The following SDCCAG8 variants were observed in gnomAD, a reference collection of about 807,000 sequenced individuals.
SDCCAG8 encodes serologically defined colon cancer antigen 8.
SDCCAG8 carries 74 observed loss-of-function variants against 101.8 expected under a neutral mutation model. The observed-to-expected ratio is 0.73, with a 90% CI of 0.60 to 0.88. SDCCAG8 has a LOEUF of 0.88. Ranked by LOEUF, SDCCAG8 falls within the 40% of genes least tolerant of loss-of-function variation. The pLI, the probability that SDCCAG8 is intolerant of heterozygous loss-of-function variation, is 0.00. For missense variants in SDCCAG8, 787 were observed against 822.6 expected (o/e 0.96, Z 0.53); for synonymous variants, 281 against 292.9 (o/e 0.96, Z 0.41).
intron 12 of SDCCAG8, among the ~76,000 whole-genome samples, chr1:243,348,061 A>T (rs1573470822): frequency 9.3e-6 from 1 of 107,662 alleles, no homozygotes. Flanking sequence ...TTTAGGACGG[A>T]GTCTCCCTCT....
intron 6 of SDCCAG8, 152 bp downstream of exon 6, chr1:243,293,371 C>G (rs1303027262): frequency 3.4e-5 from 28 of 820,612 alleles, no homozygotes; most frequent in Admixed American, 8.0e-5. Context: ...ATTCATGTCA[C>G]TCAATCATAA....
At chr1:243,366,874 G>T (rs558900285) in intron 12 of SDCCAG8, among the ~76,000 whole-genome samples, 1 of 151,974 alleles carries the variant, frequency 6.6e-6, no homozygotes, top group Non-Finnish European at 1.5e-5. Flanking sequence ...AAATTATCTG[G>T]CCATCTGGAT....
Position 243,416,124 on chromosome 1 carries a change from T to C in SDCCAG8, c.1744+295T>C, listed in dbSNP as rs1051199863. Among the ~76,000 whole-genome samples the C allele has an allele frequency of 1.3e-5, 2 of 152,140 alleles. No homozygotes were observed. The highest frequency in any genetic ancestry group is 4.8e-5 in the African/African-American group (2 of 41,432). The stretch of plus-strand genomic sequence containing the variant: ...AAAGCTGAGAGAGACCACAACAAAG[T>C]AGAAAAACAAAGGGCTTGTTTTTGG... On this transcript the variant is annotated intron_variant, in intron 14 of 17. Transcript: ENST00000366541. The surrounding 1 kb of genome is among the most constrained non-coding windows in gnomAD (Gnocchi z 4.3).
chr1:243,273,139 A>C (rs529226885), intron 3 of SDCCAG8, among the ~76,000 whole-genome samples: 1 of 152,344 alleles, frequency 6.6e-6, no homozygotes, highest in South Asian at 2.1e-4. Flanking sequence ...TAATTCATTT[A>C]ATTAGAGTTA....
rs139439553 is a variant in SDCCAG8 at position 243,436,111 on chromosome 1, A to T, written c.1985+9553A>T. 4.3e-3 allele frequency among the ~76,000 whole-genome samples: 661 copies of T among 152,010 alleles called. 10 individuals carry two copies. The highest frequency in any genetic ancestry group is 0.015 in the African/African-American group (622 of 41,458). ...TACATTCTGTGGTTTGGACGAACAC[A>T]TGATATATCTCTACCATTGAACATG... On this transcript the variant is annotated intron_variant, in intron 16 of 17. Transcript: ENST00000366541.
chr1:243,414,365 T>C (rs1015707792), intron 13 of SDCCAG8, among the ~76,000 whole-genome samples: 2 of 152,150 alleles, frequency 1.3e-5, no homozygotes, highest in Non-Finnish European at 2.9e-5. Flanking sequence ...CTAGTCTGAC[T>C]ATCCATTTGT....
chr1:243,309,667 TA>T (rs1366139729), intron 8 of SDCCAG8, among the ~76,000 whole-genome samples: 5 of 152,108 alleles, frequency 3.3e-5, no homozygotes, highest in Non-Finnish European at 5.9e-5. Flanking sequence ...CCCAGCTAAT[TA>T]AAAAAATTTT....
chr1:243,415,931 C>T (rs978409384), intron 14 of SDCCAG8, 102 bp downstream of exon 14: 56 of 1,409,134 alleles, frequency 4.0e-5, no homozygotes, highest in East Asian at 7.3e-5. Flanking sequence ...TTTGGCTGGC[C>T]GAAGGGAGCA....
At chr1:243,353,935 G>C (rs2076245064) in intron 12 of SDCCAG8, among the ~76,000 whole-genome samples, 1 of 152,154 alleles carries the variant, frequency 6.6e-6, no homozygotes. Flanking sequence ...TACAGTGTTA[G>C]AGTCATATAG....
Position 243,500,044 on chromosome 1 carries a change from G to A in SDCCAG8, c.*259G>A, listed in dbSNP as rs1216151809. 6 of 529,886 alleles carry A rather than the reference G, an allele frequency of 1.1e-5. No individual in the cohort carries two copies. The highest frequency in any genetic ancestry group is 2.9e-5 in the East Asian group (1 of 34,412). 32.8% of individuals were successfully genotyped at this position (529,886 alleles called of 1,614,324 possible). On this transcript the variant is annotated 3_prime_UTR_variant, in exon 18 of 18. Coordinates refer to ENST00000366541, the MANE Select transcript of SDCCAG8 (RefSeq NM_006642.5). Reference sequence around the variant, plus strand: ...GTTATGTGTTTAAATCTGCTCATTCGTATGCTAGGTTATACATATGATTTT... The same window carrying A: ...GTTATGTGTTTAAATCTGCTCATTCATATGCTAGGTTATACATATGATTTT...
chr1:243,455,211 T>C (rs1423833540), intron 16 of SDCCAG8, among the ~76,000 whole-genome samples: 1 of 152,184 alleles, frequency 6.6e-6, no homozygotes, highest in Non-Finnish European at 1.5e-5. Flanking sequence ...TATTTTGCCC[T>C]AACATGAAAA....
intron 13 of SDCCAG8, among the ~76,000 whole-genome samples, chr1:243,380,155 C>G (rs952364877): frequency 4.6e-5 from 7 of 151,830 alleles, no homozygotes; most frequent in Admixed American, 4.6e-4. Flanking sequence ...GAAAAAAATC[C>G]TAATAGATGA....
In SDCCAG8 at chr1:243,489,088, T is replaced by A; in HGVS notation, c.2060T>A (p.Leu687His). Residue 687 changes from leucine to histidine, a missense_variant, in exon 17 of 18, where the codon CTT (leucine) becomes CAT (histidine). Physicochemically the swap from Leu to His is moderately conservative, Grantham distance 99 (BLOSUM62 -3). Transcript: ENST00000366541. ...CAGCTCCTCAGCAAGCAGAACCAGC[T>A]TCTCCTGGAGAGGCAGAGCCTGTCG... is the stretch of plus-strand genomic sequence containing the variant. Reference protein sequence around the residue: ...LVQLLSKQNQLLLERQSLSEE... With the variant: ...LVQLLSKQNQHLLERQSLSEE... The A allele has an allele frequency of 6.2e-7, 1 of 1,613,350 alleles. No individual in the cohort carries two copies. The highest frequency in any genetic ancestry group is 1.7e-5 in the Admixed American group (1 of 60,014).
rs530127827 is a variant in SDCCAG8, at chr1:243,341,068, A to C, written c.1251A>C (p.Gln417His). 6.2e-7 allele frequency: 1 copy of C among 1,613,470 alleles called. No individual in the cohort carries two copies. The highest frequency in any genetic ancestry group is 8.5e-7 in the Non-Finnish European group (1 of 1,179,476). The change falls in exon 11 of 18, where the codon CAA (glutamine) becomes CAC (histidine). Residue 417 changes from glutamine (Q) to histidine (H), a missense_variant. By Grantham distance (24) the Gln-to-His change is conservative. Transcript: ENST00000366541. ...KMLILSQNIA[Q>H]LEAQVEKVTK... Reference sequence around the variant, plus strand: ...TGATCTTGTCTCAGAATATTGCCCAACTGGAGGCCCAGGTGGAAAAGGTTA... The same window carrying C: ...TGATCTTGTCTCAGAATATTGCCCACCTGGAGGCCCAGGTGGAAAAGGTTA...
intron 16 of SDCCAG8, among the ~76,000 whole-genome samples, chr1:243,432,973 A>G (rs934806177): frequency 1.3e-5 from 2 of 152,160 alleles, no homozygotes; most frequent in African/African-American, 4.8e-5. Context: ...GCTGAGGTAG[A>G]CAAAGTGCGG....
chr1:243,372,339 A>G (rs2077339603), intron 12 of SDCCAG8, among the ~76,000 whole-genome samples: 1 of 152,092 alleles, frequency 6.6e-6, no homozygotes, highest in Non-Finnish European at 1.5e-5. Context: ...TACACAAACA[A>G]GTCACCCTAT....
chr1:243,438,100 T>C (rs1324682063), intron 16 of SDCCAG8, among the ~76,000 whole-genome samples: 1 of 152,156 alleles, frequency 6.6e-6, no homozygotes, highest in Non-Finnish European at 1.5e-5. Flanking sequence ...GATGTCCTCA[T>C]GCCCCACCTC....
chr1:243,467,563 G>A (rs1455165231), intron 16 of SDCCAG8, among the ~76,000 whole-genome samples: 7 of 152,184 alleles, frequency 4.6e-5, no homozygotes, highest in African/African-American at 9.7e-5. Flanking sequence ...AGATCCACCC[G>A]TTTACATTTC....
At chr1:243,389,153 C>A (rs1435180199) in intron 13 of SDCCAG8, among the ~76,000 whole-genome samples, 1 of 149,506 alleles carries the variant, frequency 6.7e-6, no homozygotes, top group Non-Finnish European at 1.5e-5. Context: ...TCCCCCCTCC[C>A]CCCCCCAAAA....
Sources: gnomAD v4.1 joint callset for allele counts (sites outside exome capture counted in the v4.1 genomes callset) on GRCh38, gnomAD v4.1.1 for gene constraint, Gnocchi (gnomAD v3.1) non-coding constraint, MANE v1.5 for transcripts, NCBI Gene and HGNC (gene_info 2026-07-23, HGNC 2026-07-21) for gene names.